HSF2BP: variants seen among roughly 807,000 people sequenced by gnomAD.
HSF2BP encodes heat shock transcription factor 2 binding protein.
HSF2BP carries 35 observed loss-of-function variants against 35.0 expected under a neutral mutation model. The ratio of observed to expected loss-of-function variants is 1.00; its 90% CI spans 0.76 to 1.32. HSF2BP has a LOEUF of 1.32. Ranked by LOEUF, HSF2BP falls within the 40% of genes most tolerant of loss-of-function variation. The probability of loss-of-function intolerance (pLI) is 0.00; values close to 1 mark genes in which losing one functional copy is unlikely to be tolerated. For missense variants in HSF2BP, 326 were observed against 321.7 expected, an observed-to-expected ratio of 1.01 and a Z score of -0.10; for synonymous variants, 114 against 117.4, an observed-to-expected ratio of 0.97 and a Z score of 0.18.
rs146897912 is a variant in HSF2BP at position 43,577,699 on chromosome 21, C to T, written c.796+14526G>A. On this transcript the variant is annotated intron_variant, in intron 8 of 8. Coordinates refer to ENST00000291560, the MANE Select transcript of HSF2BP (RefSeq NM_007031.2). ...AAGCCATCATATCCCCTGTGACCTG[C>T]ACGTATACACCCAGATGGCCTGAAG... Among the ~76,000 whole-genome samples, 8 of 152,304 alleles carry T rather than the reference C, an allele frequency of 5.3e-5. No homozygotes were observed. In the East Asian group the frequency reaches 1.5e-3, roughly 29 times the overall value.
chr21:43,643,859 G>A (rs746051098), intron 4 of HSF2BP, among the ~76,000 whole-genome samples: 8 of 151,886 alleles, frequency 5.3e-5, no homozygotes, highest in Non-Finnish European at 8.8e-5. Flanking sequence ...GGAGGCTGAG[G>A]CAGGGGAATG....
rs139364400 is a variant in HSF2BP at position 43,574,741 on chromosome 21, C to T, written c.796+17484G>A. Among the ~76,000 whole-genome samples the T allele has an allele frequency of 5.4e-3, 823 of 152,314 alleles. 13 individuals are homozygous for T. Among genetic ancestry groups the T allele is most frequent in the African/African-American group, 0.019 (782 of 41,564 alleles). Reference sequence around the variant, plus strand: ...CACGACGCACACTGAGACCACAGGGCACACAGGGCCGCCCTCCATGGGGAG... The same window carrying T: ...CACGACGCACACTGAGACCACAGGGTACACAGGGCCGCCCTCCATGGGGAG... On this transcript the variant is annotated intron_variant, in intron 8 of 8. Transcript: ENST00000291560.
chr21:43,637,917 G>A (rs939721983), intron 4 of HSF2BP, among the ~76,000 whole-genome samples: 15 of 152,018 alleles, frequency 9.9e-5, no homozygotes, highest in Admixed American at 8.5e-4. Context: ...CATAATTAAC[G>A]CTGAAAGATT....
In HSF2BP at chr21:43,627,170, C is replaced by T. The variant is rs1601690458; in HGVS notation, c.574+3152G>A. On this transcript the variant is annotated intron_variant, in intron 6 of 8. Transcript: ENST00000291560. Reference sequence around the variant, plus strand: ...TACAGGCGTAAGCCACCATGCCTTGCTTCTATACTGAGAAATTATTTAGTT... The same window carrying T: ...TACAGGCGTAAGCCACCATGCCTTGTTTCTATACTGAGAAATTATTTAGTT... Among the ~76,000 whole-genome samples the T allele has an allele frequency of 2.0e-5, 3 of 152,178 alleles. No homozygotes were observed. In the South Asian group the frequency reaches 6.2e-4, roughly 31 times the overall value.
chr21:43,633,530 T>C, intron 4 of HSF2BP, 109 bp from the exon 5 acceptor site: 1 of 1,010,196 alleles, frequency 9.9e-7, no homozygotes, highest in South Asian at 1.9e-5. Context: ...CATGTATAAT[T>C]ATAGAAAATA....
At chr21:43,468,124 A>G in the HSF2BP span, among the ~76,000 whole-genome samples, 1 of 127,414 alleles carries the variant, frequency 7.8e-6, no homozygotes, top group Non-Finnish European at 1.6e-5. Context: ...CACACCACAA[A>G]CCACACACAC....
At chr21:43,608,483 G>A (rs753339954) in intron 7 of HSF2BP, among the ~76,000 whole-genome samples, 1 of 152,088 alleles carries the variant, frequency 6.6e-6, no homozygotes, top group Non-Finnish European at 1.5e-5. Context: ...AAGGGAACTC[G>A]TATACACTGT....
Position 43,658,216 on chromosome 21 carries a change from A to G in HSF2BP, c.-120T>C. On this transcript the variant is annotated 5_prime_UTR_variant, in exon 2 of 9. Coordinates refer to ENST00000291560, the MANE Select transcript of HSF2BP (RefSeq NM_007031.2). ...GGGAACGGAGAGCCGCCAGGCCCAA[A>G]CCTCCCAGAATTTGCGCAGTATTCT... 1 of 1,197,230 alleles carries G rather than the reference A, an allele frequency of 8.4e-7. No individual in the cohort carries two copies. Among genetic ancestry groups the G allele is most frequent in the Non-Finnish European group, 1.1e-6 (1 of 887,756 alleles). The allele number at this position is 1,197,230 out of a possible 1,614,324, so 74.2% of individuals were successfully genotyped here.
At chr21:43,633,149 AT>A in intron 5 of HSF2BP, 122 bp downstream of exon 5, 2 of 1,008,170 alleles carry the variant, frequency 2.0e-6, no homozygotes, top group African/African-American at 3.3e-5. Flanking sequence ...TAACTAGCTG[AT>A]GAGTGAACAA....
chr21:43,632,428 C>A (rs1437083583), intron 5 of HSF2BP, among the ~76,000 whole-genome samples: 1 of 147,456 alleles, frequency 6.8e-6, no homozygotes, highest in African/African-American at 2.5e-5. Context: ...CCCACACACA[C>A]ACACAGTCAC....
intron 3 of HSF2BP, among the ~76,000 whole-genome samples, chr21:43,645,564 A>G (rs2082697141): frequency 6.6e-6 from 1 of 152,236 alleles, no homozygotes; most frequent in Non-Finnish European, 1.5e-5. Flanking sequence ...ACATGAAGGA[A>G]TTTCACTTCT....
chr21:43,647,857 A>T (rs1014645925), intron 3 of HSF2BP, among the ~76,000 whole-genome samples: 2 of 147,410 alleles, frequency 1.4e-5, no homozygotes, highest in Non-Finnish European at 3.0e-5. Flanking sequence ...TGAACCTGGG[A>T]GGCGGAAGTT....
intron 6 of HSF2BP, among the ~76,000 whole-genome samples, chr21:43,621,168 CAAAAG>C (rs910453395): frequency 6.6e-6 from 1 of 152,070 alleles, no homozygotes; most frequent in African/African-American, 2.4e-5. Flanking sequence ...TTAAAAACAG[CAAAAG>C]AAAAGAAACA....
chr21:43,598,385 TTTTG>T (rs2082011492), intron 7 of HSF2BP, among the ~76,000 whole-genome samples: 1 of 82,460 alleles, frequency 1.2e-5, no homozygotes, highest in Non-Finnish European at 2.2e-5. Context: ...TTGTGGGTTT[TTTTG>T]TTTTTTTTTT....
At chr21:43,625,797 T>C (rs560842239) in intron 6 of HSF2BP, among the ~76,000 whole-genome samples, 42 of 152,104 alleles carry the variant, frequency 2.8e-4, no homozygotes, top group Non-Finnish European at 5.7e-4. Flanking sequence ...CAACTCTTCA[T>C]AAGAGTTCCT....
intron 3 of HSF2BP, among the ~76,000 whole-genome samples, chr21:43,644,942 T>C (rs927839349): frequency 7.9e-5 from 12 of 152,012 alleles, no homozygotes; most frequent in African/African-American, 2.9e-4. Flanking sequence ...ATACTTCCTC[T>C]CCACCGCACT....
intron 7 of HSF2BP, among the ~76,000 whole-genome samples, chr21:43,602,936 A>G (rs1238872626): frequency 1.3e-5 from 2 of 152,124 alleles, no homozygotes; most frequent in Non-Finnish European, 2.9e-5. Flanking sequence ...TAACACCTCC[A>G]GCAGGTCTGA....
chr21:43,572,596 C>T (rs1169218326), intron 8 of HSF2BP, among the ~76,000 whole-genome samples: 2 of 152,226 alleles, frequency 1.3e-5, no homozygotes, highest in African/African-American at 2.4e-5. Flanking sequence ...TCAGCAGCAA[C>T]GCCTCCTCTC....
intron 7 of HSF2BP, 110 bp downstream of exon 7, chr21:43,613,720 G>T: frequency 1.3e-6 from 1 of 773,918 alleles, no homozygotes; most frequent in Non-Finnish European, 2.2e-6. Flanking sequence ...ATTTCTTCTA[G>T]TTTTTAAAAC....
Sources: gnomAD v4.1 joint callset for allele counts (sites outside exome capture counted in the v4.1 genomes callset) on GRCh38, gnomAD v4.1.1 for gene constraint, MANE v1.5 for transcripts, NCBI Gene and HGNC (gene_info 2026-07-23, HGNC 2026-07-21) for gene names.